PBX4: variants seen among roughly 807,000 people sequenced by gnomAD.
The protein encoded by PBX4 is PBX homeobox 4.
Under a neutral mutation model 35.1 loss-of-function variants are expected in PBX4, and 26 were observed. The ratio of observed to expected loss-of-function variants is 0.74; its 90% CI spans 0.54 to 1.03. The LOEUF is 1.03. Ranked by LOEUF, PBX4 falls within the 50% of genes least tolerant of loss-of-function variation. The pLI, the probability that PBX4 is intolerant of heterozygous loss-of-function variation, is 0.00. For missense variants in PBX4, 448 were observed against 504.3 expected, an observed-to-expected ratio of 0.89 and a Z score of 1.07; for synonymous variants, 199 against 204.2, an observed-to-expected ratio of 0.97 and a Z score of 0.22.
intron 2 of PBX4, among the ~76,000 whole-genome samples, chr19:19,580,412 G>A (rs1304175738): frequency 6.6e-6 from 1 of 152,112 alleles, no homozygotes; most frequent in African/African-American, 2.4e-5. Context: ...CTATGCTACT[G>A]GCCTCCTGAC....
intron 2 of PBX4, among the ~76,000 whole-genome samples, chr19:19,584,860 G>A (rs900726436): frequency 2.0e-5 from 3 of 151,672 alleles, no homozygotes; most frequent in South Asian, 2.1e-4. Flanking sequence ...TCCTGACCTC[G>A]TGATCACCCC....
chr19:19,594,490 A>G (rs1265929286), intron 2 of PBX4, among the ~76,000 whole-genome samples: 1 of 152,040 alleles, frequency 6.6e-6, no homozygotes, highest in Non-Finnish European at 1.5e-5. Flanking sequence ...AAATGGACAG[A>G]CATCTCAGCT....
At position 19,563,992 on chromosome 19, in the gene PBX4, T is replaced by G. The variant is rs2061325160; in HGVS notation, c.926-377A>C. On this transcript the variant is annotated intron_variant, in intron 6 of 7. Transcript: ENST00000251203. This position sits in a 1 kb window ranked among gnomAD's most constrained non-coding sequence, Gnocchi z 5.1. ...CCAGATAATTTGTTTTTTCTTTCTT[T>G]TTTTTTATTATTATTATACTTTAAG... 1.3e-5 allele frequency among the ~76,000 whole-genome samples: 2 copies of G among 152,142 alleles called. No individual in the cohort carries two copies. The highest frequency in any genetic ancestry group is 4.2e-4 in the South Asian group (2 of 4,814).
At chr19:19,609,008 T>G (rs970549172) in intron 1 of PBX4, among the ~76,000 whole-genome samples, 2 of 152,178 alleles carry the variant, frequency 1.3e-5, no homozygotes, top group Non-Finnish European at 2.9e-5. Context: ...AGATGACATT[T>G]AATTTGCGAG....
rs190090272 is a variant in PBX4, at chr19:19,566,010, G to A, written c.769-921C>T. Among the ~76,000 whole-genome samples, 331 of 151,630 alleles carry A rather than the reference G, an allele frequency of 2.2e-3. 1 individual carries two copies. The highest frequency in any genetic ancestry group is 7.8e-3 in the African/African-American group (321 of 41,336). On this transcript the variant is annotated intron_variant, in intron 5 of 7. Coordinates refer to ENST00000251203, the MANE Select transcript of PBX4 (RefSeq NM_025245.3). ...ACCCCTGGGCTTGAGAGTTCCTCCCGCCCTGGCCTCCCAAAATGCTGGGAT... is the reference window on the plus strand; with the variant it reads ...ACCCCTGGGCTTGAGAGTTCCTCCCACCCTGGCCTCCCAAAATGCTGGGAT...
rs2061321469 is a variant in PBX4 at position 19,563,538 on chromosome 19, G to A, written c.1003C>T (p.Pro335Ser). The A allele has an allele frequency of 6.4e-7, 1 of 1,550,552 alleles. No homozygotes were observed. Among genetic ancestry groups the A allele is most frequent in the Non-Finnish European group, 8.7e-7 (1 of 1,146,940 alleles). ...TLRTLASLQP[P>S]PGGGCLQSQA... ...GACTGCAGGCAGCCTCCCCCAGGAG[G>A]AGGCTGGAGAGAGGCCAGAGTCCGC... The change falls in exon 7 of 8, where the codon CCT (proline) becomes TCT (serine). Residue 335 changes from proline to serine, a missense_variant. Coordinates refer to ENST00000251203, the MANE Select transcript of PBX4 (RefSeq NM_025245.3). The surrounding 1 kb of genome is among the most constrained non-coding windows in gnomAD (Gnocchi z 5.1).
intron 1 of PBX4, 47 bp downstream of exon 1, chr19:19,618,464 T>G: frequency 7.3e-7 from 1 of 1,376,400 alleles, no homozygotes; most frequent in Admixed American, 3.2e-5. Flanking sequence ...CCCGCCAACC[T>G]CACTGCCACG....
At chr19:19,582,096 A>G (rs2061458182) in intron 2 of PBX4, among the ~76,000 whole-genome samples, 1 of 152,058 alleles carries the variant, frequency 6.6e-6, no homozygotes, top group Non-Finnish European at 1.5e-5. Flanking sequence ...TACCTTTGGG[A>G]TCTGGCCTCA....
chr19:19,569,550 C>A lies in PBX4; in HGVS notation c.667G>T (p.Glu223Ter). 1 of 1,613,826 alleles carries A rather than the reference C, an allele frequency of 6.2e-7. No homozygotes were observed. The highest frequency in any genetic ancestry group is 8.5e-7 in the Non-Finnish European group (1 of 1,179,854). The change falls in exon 5 of 8, where the codon GAA becomes TAA. Residue 223 changes from glutamate (E) to a stop codon, truncating the protein, a stop_gained. Transcript: ENST00000251203. LOFTEE classifies it high-confidence loss of function. ...KRRNFSKQAT[E>*]VLNEYFYSHL... ...GAGTAAAAATACTCATTCAGCACTT[C>A]CGTCGCCTGCTTGCTGAAATTCCGC...
At chr19:19,600,525 A>G (rs75870731) in intron 1 of PBX4, among the ~76,000 whole-genome samples, 1 of 149,736 alleles carries the variant, frequency 6.7e-6, no homozygotes. Flanking sequence ...GTCATTAAGA[A>G]AAAAAAAAAA....
At chr19:19,587,816 T>G (rs1482762590) in intron 2 of PBX4, among the ~76,000 whole-genome samples, 1 of 151,572 alleles carries the variant, frequency 6.6e-6, no homozygotes, top group Admixed American at 6.6e-5. Flanking sequence ...GGAGAACAGA[T>G]CTTTGCTTCT....
intron 5 of PBX4, among the ~76,000 whole-genome samples, chr19:19,566,047 C>G (rs999529802): frequency 3.3e-5 from 5 of 152,004 alleles, no homozygotes; most frequent in African/African-American, 1.2e-4. Flanking sequence ...CCAGGCCCAG[C>G]CTCATATATC....
In PBX4 at chr19:19,562,058, G is replaced by T; in HGVS notation, c.1092C>A (p.Asp364Glu). ...PQPATASPAG[D>E]PGSINSSTSN ...ATGTACTGGAGTTGATGCTGCCAGGGTCTCCAGCAGGTGAGGCAGTTGCAG... is the reference window on the plus strand; with the variant it reads ...ATGTACTGGAGTTGATGCTGCCAGGTTCTCCAGCAGGTGAGGCAGTTGCAG... The change falls in exon 8 of 8, where the codon GAC becomes GAA. Residue 364 changes from aspartate (D) to glutamate (E), a missense_variant. By Grantham distance (45) the Asp-to-Glu change is conservative (BLOSUM62 2). Transcript: ENST00000251203. The surrounding 1 kb of genome is among the most constrained non-coding windows in gnomAD (Gnocchi z 4.8). 6.2e-7 allele frequency: 1 copy of T among 1,613,410 alleles called. No individual in the cohort carries two copies. Among genetic ancestry groups the T allele is most frequent in the Non-Finnish European group, 8.5e-7 (1 of 1,179,740 alleles).
At chr19:19,587,369 C>T (rs139399601) in intron 2 of PBX4, among the ~76,000 whole-genome samples, 61 of 152,070 alleles carry the variant, frequency 4.0e-4, no homozygotes, top group African/African-American at 1.4e-3. Context: ...GGGCATATCA[C>T]CTGAGGTCGG....
At chr19:19,592,489 G>A (rs968412800) in intron 2 of PBX4, among the ~76,000 whole-genome samples, 12 of 152,142 alleles carry the variant, frequency 7.9e-5, no homozygotes, top group Non-Finnish European at 1.3e-4. Flanking sequence ...CAAGCTTTGA[G>A]GGACCTGCCT....
chr19:19,562,217 G>A lies in PBX4; in HGVS notation c.1033-100C>T. On this transcript the variant is annotated intron_variant, in intron 7 of 7. Coordinates refer to ENST00000251203, the MANE Select transcript of PBX4 (RefSeq NM_025245.3). The surrounding 1 kb of genome is among the most constrained non-coding windows in gnomAD (Gnocchi z 4.8). ...GGAGCCTCCAGGGGTCCCTGGGAAG[G>A]CTTGGAAAAGATCCACAGATGACCT... is the stretch of plus-strand genomic sequence containing the variant. 2 of 833,354 alleles carry A rather than the reference G, an allele frequency of 2.4e-6. No individual in the cohort carries two copies. Among genetic ancestry groups the A allele is most frequent in the East Asian group, 5.8e-5 (2 of 34,492 alleles). 51.6% of individuals were successfully genotyped at this position (833,354 alleles called of 1,614,324 possible). A position where few individuals can be genotyped will look rare whatever the true frequency, so the allele number is the denominator to read the frequency against.
intron 6 of PBX4, chr19:19,564,722 G>T: frequency 1.6e-6 from 1 of 618,560 alleles, no homozygotes; most frequent in Non-Finnish European, 2.8e-6. Flanking sequence ...TTTCTTATTA[G>T]TATCGCCATT....
intron 2 of PBX4, among the ~76,000 whole-genome samples, chr19:19,598,837 C>T (rs190020237): frequency 4.0e-5 from 6 of 151,636 alleles, no homozygotes; most frequent in East Asian, 3.9e-4. Flanking sequence ...ATGAGCAAAA[C>T]GGCCCACCAT....
chr19:19,586,090 A>T (rs1043595668), intron 2 of PBX4, among the ~76,000 whole-genome samples: 20 of 152,274 alleles, frequency 1.3e-4, no homozygotes, highest in East Asian at 5.8e-4. Flanking sequence ...TGTGATTTTT[A>T]AAAAAATGCC....
Sources: allele counts gnomAD v4.1 joint callset (sites outside exome capture counted in the v4.1 genomes callset), GRCh38; gene constraint gnomAD v4.1.1; non-coding constraint Gnocchi (gnomAD v3.1); transcripts MANE v1.5; gene names NCBI Gene and HGNC (gene_info 2026-07-23, HGNC 2026-07-21).